R3HDM1: variants seen among roughly 807,000 people sequenced by gnomAD.
R3HDM1 encodes the protein R3H domain containing 1.
R3HDM1 carries 46 observed loss-of-function variants against 141.1 expected under a neutral mutation model. The ratio of observed to expected loss-of-function variants is 0.33; its 90% CI spans 0.26 to 0.42. The LOEUF is 0.42. Among genes scored for constraint, R3HDM1 ranks in the 10% least tolerant of loss-of-function variants. The pLI, the probability that R3HDM1 is intolerant of heterozygous loss-of-function variation, is 1.00. For synonymous variants in R3HDM1, 435 were observed against 472.9 expected (o/e 0.92, Z 1.04); for missense variants, 1,184 against 1,368.3 (o/e 0.87, Z 2.12).
chr2:135,618,463 A>AT (rs755774961), intron 5 of R3HDM1, among the ~76,000 whole-genome samples: 1,926 of 124,094 alleles, frequency 0.016, 26 homozygotes, highest in Middle Eastern at 0.049. Context: ...CGCCCGGCTG[A>AT]TTTTTTTTTT....
At chr2:135,643,481 AC>A (rs2064028011) in intron 15 of R3HDM1, among the ~76,000 whole-genome samples, 1 of 151,892 alleles carries the variant, frequency 6.6e-6, no homozygotes, top group Non-Finnish European at 1.5e-5. Flanking sequence ...AATTTAAGAA[AC>A]TGTTTTTCAG....
intron 1 of R3HDM1, among the ~76,000 whole-genome samples, chr2:135,567,267 A>G (rs1168338365): frequency 1.3e-5 from 2 of 152,186 alleles, no homozygotes; most frequent in East Asian, 3.8e-4. Flanking sequence ...AGAGCCCAAT[A>G]TAATTAATTG....
intron 1 of R3HDM1, among the ~76,000 whole-genome samples, chr2:135,590,107 G>A (rs918256149): frequency 2.6e-5 from 4 of 152,046 alleles, no homozygotes; most frequent in African/African-American, 9.7e-5. Flanking sequence ...ATAAGTAAGA[G>A]TCACTGCTTT....
chr2:135,603,232 C>A (rs373285739), intron 2 of R3HDM1, among the ~76,000 whole-genome samples: 21 of 152,286 alleles, frequency 1.4e-4, no homozygotes, highest in African/African-American at 3.4e-4. Flanking sequence ...TCAAGTGATA[C>A]ACCTGCCTCA....
intron 1 of R3HDM1, among the ~76,000 whole-genome samples, chr2:135,577,401 ATAAT>A (rs1705689628): frequency 6.9e-6 from 1 of 144,586 alleles, no homozygotes; most frequent in Non-Finnish European, 1.5e-5. Context: ...AGAACTCTTA[ATAAT>A]TAAATGACCA....
At chr2:135,611,489 G>A (rs1479593366) in intron 3 of R3HDM1, among the ~76,000 whole-genome samples, 2 of 152,110 alleles carry the variant, frequency 1.3e-5, no homozygotes, top group African/African-American at 2.4e-5. Context: ...GTTACTATTA[G>A]CAATAACACG....
chr2:135,540,103 T>C (rs1315927094), intron 1 of R3HDM1, among the ~76,000 whole-genome samples: 1 of 152,246 alleles, frequency 6.6e-6, no homozygotes, highest in Non-Finnish European at 1.5e-5. Context: ...TCAACAATGC[T>C]AACAGAAATA....
intron 14 of R3HDM1, among the ~76,000 whole-genome samples, chr2:135,641,286 G>T (rs1476391856): frequency 5.9e-5 from 9 of 152,088 alleles, no homozygotes; most frequent in Admixed American, 5.9e-4. Flanking sequence ...TCTGTGGCTG[G>T]TGTTGTTATA....
chr2:135,574,752 C>G (rs954290852), intron 1 of R3HDM1, among the ~76,000 whole-genome samples: 1 of 152,114 alleles, frequency 6.6e-6, no homozygotes, highest in African/African-American at 2.4e-5. Flanking sequence ...GAGCCTTCAA[C>G]AAGACCACCC....
intron 9 of R3HDM1, among the ~76,000 whole-genome samples, chr2:135,634,442 A>G (rs1014243097): frequency 6.6e-6 from 1 of 152,110 alleles, no homozygotes; most frequent in Non-Finnish European, 1.5e-5. Flanking sequence ...GGAGTGTGCA[A>G]CCAGCCTGGC....
chr2:135,658,543 A>G (rs1224780859), intron 18 of R3HDM1, among the ~76,000 whole-genome samples: 2 of 152,174 alleles, frequency 1.3e-5, no homozygotes, highest in East Asian at 3.8e-4. Context: ...AAGTTGTTCT[A>G]GGTGAATCAG....
intron 2 of R3HDM1, among the ~76,000 whole-genome samples, chr2:135,603,539 CTG>C (rs1238170154): frequency 1.3e-5 from 2 of 152,116 alleles, no homozygotes; most frequent in Admixed American, 1.3e-4. Flanking sequence ...ATATATCAAT[CTG>C]TTCATTTTTT....
chr2:135,566,714 G>A (rs1047775437), intron 1 of R3HDM1: 3 of 984,700 alleles, frequency 3.0e-6, no homozygotes, highest in African/African-American at 3.5e-5. Context: ...ATTAAGGTTT[G>A]TTAGTCGTTT....
intron 1 of R3HDM1, among the ~76,000 whole-genome samples, chr2:135,555,251 C>A (rs1423837934): frequency 6.7e-6 from 1 of 148,238 alleles, no homozygotes; most frequent in Non-Finnish European, 1.5e-5. Flanking sequence ...GAGCCGAGAT[C>A]GAGCCACTGC....
intron 1 of R3HDM1, among the ~76,000 whole-genome samples, chr2:135,601,515 C>CT (rs1490490630): frequency 6.6e-6 from 1 of 152,066 alleles, no homozygotes; most frequent in African/African-American, 2.4e-5. Flanking sequence ...TTAAAATGTA[C>CT]TATTCTGTTT....
intron 1 of R3HDM1, among the ~76,000 whole-genome samples, chr2:135,598,394 TGTGAAA>T (rs1394395900): frequency 1.3e-5 from 2 of 152,220 alleles, no homozygotes; most frequent in African/African-American, 4.8e-5. Flanking sequence ...CTCCTCTTCA[TGTGAAA>T]AGAATAAGTT....
chr2:135,652,660 A>T (rs1018691522), intron 18 of R3HDM1, among the ~76,000 whole-genome samples: 1 of 152,180 alleles, frequency 6.6e-6, no homozygotes, highest in African/African-American at 2.4e-5. Flanking sequence ...CCTTAAAATG[A>T]GTTGGGCATT....
chr2:135,630,281 CAAAAAAAAAA>C (rs911009655), intron 7 of R3HDM1, among the ~76,000 whole-genome samples: 3 of 39,316 alleles, frequency 7.6e-5, no homozygotes, highest in African/African-American at 1.8e-4. Flanking sequence ...CCTTCTCAAC[CAAAAAAAAAA>C]AAAAAAAAAA....
chr2:135,555,296 C>CAA (rs59569889), intron 1 of R3HDM1, among the ~76,000 whole-genome samples: 159 of 79,572 alleles, frequency 2.0e-3, no homozygotes, highest in African/African-American at 5.6e-3. Context: ...ACTCTTGTCT[C>CAA]AAAAAAAAAA....
Sources: gnomAD v4.1 joint callset for allele counts (sites outside exome capture counted in the v4.1 genomes callset) on GRCh38, gnomAD v4.1.1 for gene constraint, MANE v1.5 for transcripts, NCBI Gene and HGNC (gene_info 2026-07-23, HGNC 2026-07-21) for gene names.